Variants in YIPF4 observed in about 807,000 individuals in gnomAD.
The protein encoded by YIPF4 is protein YIPF4.
Under a neutral mutation model 29.4 loss-of-function variants are expected in YIPF4, and 18 were observed. The observed-to-expected ratio is 0.61, with a 90% CI of 0.42 to 0.91. The LOEUF (loss-of-function observed/expected upper bound fraction) is 0.91, where lower values mean the gene tolerates loss of function less well. Among genes scored for constraint, YIPF4 ranks in the 40% least tolerant of loss-of-function variants. The pLI, the probability that YIPF4 is intolerant of heterozygous loss-of-function variation, is 0.00. For synonymous variants in YIPF4, 115 were observed against 104.7 expected (o/e 1.10, Z -0.60); for missense variants, 279 against 282.7 (o/e 0.99, Z 0.09).
chr2:32,306,317 C>T lies in YIPF4; in HGVS notation c.*691C>T. On this transcript the variant is annotated 3_prime_UTR_variant, in exon 6 of 6. Coordinates refer to ENST00000238831, the MANE Select transcript of YIPF4 (RefSeq NM_032312.4). ...ATTTGGTTTGTTTGGGTATACTTTT[C>T]AAAACCATTTTTGAATGTCCAAACA... is the stretch of plus-strand genomic sequence containing the variant. 1 of 985,654 alleles carries T rather than the reference C, an allele frequency of 1.0e-6. No individual in the cohort carries two copies. Among genetic ancestry groups the T allele is most frequent in the Non-Finnish European group, 1.2e-6 (1 of 829,832 alleles). The allele number at this position is 985,654 out of a possible 1,614,324, so 61.1% of individuals were successfully genotyped here.
At position 32,307,110 on chromosome 2, in the gene YIPF4, A is replaced by G. The variant is rs1384253590; in HGVS notation, c.*1484A>G. The G allele has an allele frequency of 7.7e-7, 1 of 1,298,794 alleles. No homozygotes were observed. The highest frequency in any genetic ancestry group is 1.0e-6 in the Non-Finnish European group (1 of 987,030). The allele number at this position is 1,298,794 out of a possible 1,614,324, so 80.5% of individuals were successfully genotyped here. On this transcript the variant is annotated 3_prime_UTR_variant, in exon 6 of 6. Coordinates refer to ENST00000238831, the MANE Select transcript of YIPF4 (RefSeq NM_032312.4). Reference sequence around the variant, plus strand: ...CTGATTTTTTTAAAAACAGGTGAGAAGCACCAGAGGGACAGGACTTCTAGA... The same window carrying G: ...CTGATTTTTTTAAAAACAGGTGAGAGGCACCAGAGGGACAGGACTTCTAGA...
intron 3 of YIPF4, among the ~76,000 whole-genome samples, chr2:32,296,814 C>T (rs2148964718): frequency 6.6e-6 from 1 of 152,326 alleles, no homozygotes; most frequent in Admixed American, 6.5e-5. Flanking sequence ...TCTCATCTAA[C>T]TTTAGCCTAC....
At position 32,305,646 on chromosome 2, in the gene YIPF4, GA is replaced by G. The variant is rs1334119473; in HGVS notation, c.*25del. On this transcript the variant is annotated 3_prime_UTR_variant, in exon 6 of 6. Transcript: ENST00000238831. Reference sequence around the variant, plus strand: ...GTGTGATCCAAGTTATACATGAATAGAAAAAGATGGTGTTAAATTTGTGTGT... The same window carrying G: ...GTGTGATCCAAGTTATACATGAATAGAAAAGATGGTGTTAAATTTGTGTGT... The G allele has an allele frequency of 6.5e-7, 1 of 1,536,234 alleles. No homozygotes were observed. Among genetic ancestry groups the G allele is most frequent in the Admixed American group, 2.0e-5 (1 of 49,376 alleles).
intron 1 of YIPF4, among the ~76,000 whole-genome samples, chr2:32,286,793 C>G (rs1459129960): frequency 1.3e-5 from 2 of 152,096 alleles, no homozygotes. Context: ...ATCTGCCCAC[C>G]TCGACTGGGA....
chr2:32,287,891 A>G (rs1406231609), intron 1 of YIPF4, among the ~76,000 whole-genome samples: 2 of 152,210 alleles, frequency 1.3e-5, no homozygotes. Flanking sequence ...TACTTAGGAA[A>G]TGACAAGAAT....
At chr2:32,292,499 A>T (rs2148962090) in intron 3 of YIPF4, 151 bp downstream of exon 3, 2 of 566,906 alleles carry the variant, frequency 3.5e-6, no homozygotes, top group Non-Finnish European at 5.4e-6. Flanking sequence ...CCGTTCCATA[A>T]TTAAATAAGT....
chr2:32,315,965 G>A lies in YIPF4; in HGVS notation c.*10339G>A, dbSNP rs1229175702. On this transcript the variant is annotated 3_prime_UTR_variant, in exon 6 of 6. Coordinates refer to ENST00000238831, the MANE Select transcript of YIPF4 (RefSeq NM_032312.4). ...GAGGCAAGAGGCAGGAGCATAGCTT[G>A]AGCCCAGGCGTTCAAGACCTGCCTG... 10 of 148,352 alleles carry A rather than the reference G, an allele frequency of 6.7e-5. No individual in the cohort carries two copies. Among genetic ancestry groups the A allele is most frequent in the African/African-American group, 2.5e-4 (10 of 40,028 alleles). The allele number at this position is 148,352 out of a possible 1,614,324, so 9.2% of individuals were successfully genotyped here. A position where few individuals can be genotyped will look rare whatever the true frequency, so the allele number is the denominator to read the frequency against.
At chr2:32,292,657 T>G (rs372823674) in intron 3 of YIPF4, among the ~76,000 whole-genome samples, 1 of 151,572 alleles carries the variant, frequency 6.6e-6, no homozygotes, top group Non-Finnish European at 1.5e-5. Flanking sequence ...GGTCAGGAGA[T>G]TGAGACCATC....
Position 32,312,487 on chromosome 2 carries a change from C to CAAAAAAAAAAAAAAAAA in YIPF4, c.*6877_*6893dup, listed in dbSNP as rs35334643. Reference sequence around the variant, plus strand: ...TGGGCGACAGAGCGAGAATCCGTCTCAAAAAAAAAAAAAAAAAAAAAAAAA... The same window carrying CAAAAAAAAAAAAAAAAA: ...TGGGCGACAGAGCGAGAATCCGTCTCAAAAAAAAAAAAAAAAAAAAAAAAAAAAAAAAAAAAAAAAAA... On this transcript the variant is annotated 3_prime_UTR_variant, in exon 6 of 6. Coordinates refer to ENST00000238831, the MANE Select transcript of YIPF4 (RefSeq NM_032312.4). 12 of 37,380 alleles carry CAAAAAAAAAAAAAAAAA rather than the reference C, an allele frequency of 3.2e-4. 1 individual carries two copies. Among genetic ancestry groups the CAAAAAAAAAAAAAAAAA allele is most frequent in the African/African-American group, 3.9e-4 (3 of 7,618 alleles). The allele number at this position is 37,380 out of a possible 1,614,324, so 2.3% of individuals were successfully genotyped here. A position where few individuals can be genotyped will look rare whatever the true frequency, so the allele number is the denominator to read the frequency against.
intron 1 of YIPF4, among the ~76,000 whole-genome samples, chr2:32,279,215 C>A (rs941474000): frequency 6.6e-6 from 1 of 151,300 alleles, no homozygotes; most frequent in South Asian, 2.1e-4. Context: ...TCGTGATCCG[C>A]CCGCCTCGGC....
intron 1 of YIPF4, among the ~76,000 whole-genome samples, chr2:32,289,722 C>G (rs529448947): frequency 2.6e-5 from 4 of 152,116 alleles, no homozygotes; most frequent in Non-Finnish European, 2.9e-5. Context: ...ACTGTGCAGA[C>G]TCTACATGGA....
intron 3 of YIPF4, among the ~76,000 whole-genome samples, chr2:32,297,010 C>T (rs2031213490): frequency 6.6e-6 from 1 of 152,158 alleles, no homozygotes; most frequent in Non-Finnish European, 1.5e-5. Flanking sequence ...TGCATTCTGT[C>T]TCGTTTCAAC....
At chr2:32,299,489 C>T (rs550399258) in intron 4 of YIPF4, among the ~76,000 whole-genome samples, 1 of 152,244 alleles carries the variant, frequency 6.6e-6, no homozygotes, top group East Asian at 1.9e-4. Context: ...ATTTTAATAA[C>T]CTTTTCAGAT....
At chr2:32,281,974 T>C (rs543110029) in intron 1 of YIPF4, among the ~76,000 whole-genome samples, 2 of 148,604 alleles carry the variant, frequency 1.3e-5, no homozygotes, top group African/African-American at 5.0e-5. Flanking sequence ...CTACTCTGAG[T>C]CTCACTTGAG....
chr2:32,305,095 G>T (rs1477663910), intron 5 of YIPF4, among the ~76,000 whole-genome samples: 1 of 152,074 alleles, frequency 6.6e-6, no homozygotes, highest in African/African-American at 2.4e-5. Context: ...TATAATAATA[G>T]TTTTTTCAAA....
At chr2:32,289,344 C>T (rs536747563) in intron 1 of YIPF4, among the ~76,000 whole-genome samples, 9 of 152,208 alleles carry the variant, frequency 5.9e-5, no homozygotes, top group East Asian at 1.9e-4. Flanking sequence ...TGTCATAAGC[C>T]GACCAGGATG....
At chr2:32,280,786 G>C (rs539105012) in intron 1 of YIPF4, among the ~76,000 whole-genome samples, 1 of 152,094 alleles carries the variant, frequency 6.6e-6, no homozygotes, top group Non-Finnish European at 1.5e-5. Context: ...CAGCCAAGCC[G>C]TAAATTTCTT....
chr2:32,280,100 C>T (rs2030325217), intron 1 of YIPF4, among the ~76,000 whole-genome samples: 1 of 149,964 alleles, frequency 6.7e-6, no homozygotes, highest in Non-Finnish European at 1.5e-5. Context: ...ACCCTAAGGT[C>T]TGTGCCACCG....
chr2:32,298,182 T>G, intron 3 of YIPF4, 52 bp from the exon 4 acceptor site: 2 of 1,388,758 alleles, frequency 1.4e-6, no homozygotes, highest in Non-Finnish European at 2.0e-6. Flanking sequence ...TCCTGGAAAA[T>G]TATCATCTTA....
Sources: gnomAD v4.1 joint callset for allele counts (sites outside exome capture counted in the v4.1 genomes callset) on GRCh38, gnomAD v4.1.1 for gene constraint, MANE v1.5 for transcripts, NCBI Gene and HGNC (gene_info 2026-07-23, HGNC 2026-07-21) for gene names.